Variants in B4GALT4 observed in about 807,000 individuals in gnomAD.
The protein encoded by B4GALT4 is N-acetyllactosamine synthase.
B4GALT4 carries 27 observed loss-of-function variants against 37.3 expected under a neutral mutation model. That is an observed-to-expected ratio of 0.72 (90% CI 0.53 to 1.00). B4GALT4 has a LOEUF of 1.00. Among genes scored for constraint, B4GALT4 ranks in the 50% least tolerant of loss-of-function variants. The pLI, the probability that B4GALT4 is intolerant of heterozygous loss-of-function variation, is 0.00. For synonymous variants in B4GALT4, 148 were observed against 154.1 expected (o/e 0.96, Z 0.29); for missense variants, 372 against 413.1 (o/e 0.90, Z 0.86).
At chr3:119,240,799 C>G (rs2079138486) in intron 1 of B4GALT4, 51 bp downstream of exon 1, 1 of 152,346 alleles carries the variant, frequency 6.6e-6, no homozygotes, top group African/African-American at 2.4e-5. Flanking sequence ...GCACGGCGCC[C>G]GTGTCCAGGG....
At chr3:119,225,671 C>T (rs975628773) in intron 4 of B4GALT4, among the ~76,000 whole-genome samples, 1 of 152,002 alleles carries the variant, frequency 6.6e-6, no homozygotes, top group East Asian at 1.9e-4. Context: ...TCAAGTGATC[C>T]ACCCACCTTG....
intron 4 of B4GALT4, chr3:119,226,472 A>G (rs2078622197): frequency 3.3e-6 from 1 of 304,322 alleles, no homozygotes; most frequent in African/African-American, 2.2e-5. Context: ...GAATCTCATC[A>G]TATAGTGCAT....
At chr3:119,217,386 C>T (rs2078320201) in intron 6 of B4GALT4, among the ~76,000 whole-genome samples, 1 of 152,162 alleles carries the variant, frequency 6.6e-6, no homozygotes, top group Admixed American at 6.5e-5. Flanking sequence ...CTGTAGAGCC[C>T]CTGGTCAGGG....
rs758490168 is a variant in B4GALT4 at position 119,216,219 on chromosome 3, G to A, written c.902+21C>T. On this transcript the variant is annotated intron_variant, in intron 7 of 7. Transcript: ENST00000393765. ...ACAGACTAGGGAGGTAGCCTGCTAG[G>A]CAGGTGAAGCCAGGACTTACCGTTC... 4 of 1,574,390 alleles carry A rather than the reference G, an allele frequency of 2.5e-6. No homozygotes were observed. In the East Asian group the frequency reaches 9.0e-5, roughly 36 times the overall value.
intron 3 of B4GALT4, among the ~76,000 whole-genome samples, chr3:119,227,527 A>C (rs1233847296): frequency 6.6e-6 from 1 of 152,126 alleles, no homozygotes; most frequent in Non-Finnish European, 1.5e-5. Flanking sequence ...GCTCCCTGTA[A>C]GCAAAGCACT....
At chr3:119,230,622 T>TA (rs1472409955) in intron 2 of B4GALT4, among the ~76,000 whole-genome samples, 2 of 152,068 alleles carry the variant, frequency 1.3e-5, no homozygotes, top group Non-Finnish European at 1.5e-5. Context: ...AAGGAGGATT[T>TA]AAAAAAATGT....
intron 6 of B4GALT4, among the ~76,000 whole-genome samples, chr3:119,217,620 C>G (rs1238618728): frequency 1.3e-5 from 2 of 152,196 alleles, no homozygotes; most frequent in Non-Finnish European, 2.9e-5. Flanking sequence ...GCAGACAGAT[C>G]ACCTGAGGTC....
intron 2 of B4GALT4, among the ~76,000 whole-genome samples, chr3:119,230,696 T>C (rs1428194882): frequency 6.6e-6 from 1 of 152,130 alleles, no homozygotes; most frequent in East Asian, 1.9e-4. Flanking sequence ...GAAAAGTTCT[T>C]CTCCCCTGTG....
Sources: allele counts gnomAD v4.1 joint callset (sites outside exome capture counted in the v4.1 genomes callset), GRCh38; gene constraint gnomAD v4.1.1; transcripts MANE v1.5; gene names NCBI Gene and HGNC (gene_info 2026-07-23, HGNC 2026-07-21).